Variants in ZNF385B observed in about 807,000 individuals in gnomAD.
ZNF385B encodes the protein zinc finger protein 533.
ZNF385B carries 23 observed loss-of-function variants against 39.2 expected under a neutral mutation model. That is an observed-to-expected ratio of 0.59 (90% confidence interval 0.42 to 0.83). ZNF385B has a LOEUF of 0.83. ZNF385B is among the 40% of genes least tolerant of loss of function. The probability of loss-of-function intolerance (pLI) is 0.00; values close to 1 mark genes in which losing one functional copy is unlikely to be tolerated. For synonymous variants in ZNF385B, 205 were observed against 222.6 expected, an observed-to-expected ratio of 0.92 and a Z score of 0.70; for missense variants, 552 against 598.9, an observed-to-expected ratio of 0.92 and a Z score of 0.82.
At chr2:179,829,707 G>T (rs939653602) in intron 1 of ZNF385B, among the ~76,000 whole-genome samples, 5 of 152,142 alleles carry the variant, frequency 3.3e-5, no homozygotes, top group Non-Finnish European at 7.3e-5. Context: ...TAGAGACGGG[G>T]TTTCACCGTG....
intron 1 of ZNF385B, among the ~76,000 whole-genome samples, chr2:179,797,370 A>T (rs887652001): frequency 6.6e-6 from 1 of 152,200 alleles, no homozygotes; most frequent in African/African-American, 2.4e-5. Context: ...AAAAGATGTA[A>T]ATTAAAAAAT....
chr2:179,493,649 G>T (rs533450348), intron 5 of ZNF385B, among the ~76,000 whole-genome samples: 1 of 105,112 alleles, frequency 9.5e-6, no homozygotes, highest in African/African-American at 3.5e-5. Context: ...ACACATATGC[G>T]TATACATATA....
At chr2:179,566,342 G>A (rs893405681) in intron 3 of ZNF385B, among the ~76,000 whole-genome samples, 5 of 152,238 alleles carry the variant, frequency 3.3e-5, no homozygotes, top group African/African-American at 1.2e-4. Context: ...CAGGACAGCT[G>A]TGTAAGATAC....
chr2:179,656,861 T>G (rs1490631962), intron 3 of ZNF385B, among the ~76,000 whole-genome samples: 3 of 152,216 alleles, frequency 2.0e-5, no homozygotes, highest in Non-Finnish European at 4.4e-5. Context: ...TATGTATGAT[T>G]TAGATATTAT....
chr2:179,521,774 T>C (rs1353303754), intron 4 of ZNF385B, among the ~76,000 whole-genome samples: 1 of 152,186 alleles, frequency 6.6e-6, no homozygotes, highest in Non-Finnish European at 1.5e-5. Context: ...GCACAGCCCT[T>C]TTACACTTTC....
chr2:179,815,073 A>C (rs576209731), intron 1 of ZNF385B, among the ~76,000 whole-genome samples: 1 of 152,344 alleles, frequency 6.6e-6, no homozygotes, highest in East Asian at 1.9e-4. Flanking sequence ...GGGAATACAA[A>C]TTGGGGAAAG....
intron 3 of ZNF385B, among the ~76,000 whole-genome samples, chr2:179,691,991 A>G (rs1212683751): frequency 1.3e-5 from 2 of 152,156 alleles, no homozygotes; most frequent in Non-Finnish European, 2.9e-5. Context: ...AGCATTTATT[A>G]TATCTTTGTG....
chr2:179,854,903 C>T lies in ZNF385B; in HGVS notation c.-155+6198G>A, dbSNP rs974809040. Reference sequence around the variant, plus strand: ...GTGAAGATTTAACTGCAAATATTGTCCTTGATCCTAAAGTAAATACAGAAA... The same window carrying T: ...GTGAAGATTTAACTGCAAATATTGTTCTTGATCCTAAAGTAAATACAGAAA... On this transcript the variant is annotated intron_variant, in intron 1 of 9. Coordinates refer to ENST00000410066, the MANE Select transcript of ZNF385B (RefSeq NM_152520.6). Among the ~76,000 whole-genome samples the T allele has an allele frequency of 5.9e-5, 9 of 152,118 alleles. 1 individual carries two copies. Among genetic ancestry groups the T allele is most frequent in the Admixed American group, 5.2e-4 (8 of 15,274 alleles).
chr2:179,535,671 T>C (rs573951262), intron 4 of ZNF385B, among the ~76,000 whole-genome samples: 2 of 152,362 alleles, frequency 1.3e-5, no homozygotes, highest in South Asian at 2.1e-4. Flanking sequence ...ATTTATATGA[T>C]TTGTGTCTTT....
At chr2:179,841,213 T>C (rs1199076927) in intron 1 of ZNF385B, among the ~76,000 whole-genome samples, 1 of 152,240 alleles carries the variant, frequency 6.6e-6, no homozygotes, top group African/African-American at 2.4e-5. Flanking sequence ...TCATGGGCCA[T>C]ATATTTGAAA....
At chr2:179,488,970 A>G (rs1302427568) in intron 5 of ZNF385B, among the ~76,000 whole-genome samples, 1 of 152,210 alleles carries the variant, frequency 6.6e-6, no homozygotes, top group Non-Finnish European at 1.5e-5. Flanking sequence ...GGAAGAAAAG[A>G]CAAGCATACA....
At chr2:179,784,517 T>C (rs941511023) in intron 1 of ZNF385B, among the ~76,000 whole-genome samples, 1 of 151,932 alleles carries the variant, frequency 6.6e-6, no homozygotes, top group Non-Finnish European at 1.5e-5. Flanking sequence ...GAATACACCA[T>C]TCAGATATTT....
At chr2:179,830,620 C>T (rs533364085) in intron 1 of ZNF385B, among the ~76,000 whole-genome samples, 6 of 152,250 alleles carry the variant, frequency 3.9e-5, no homozygotes, top group Admixed American at 1.3e-4. Flanking sequence ...TCTGAGAAGG[C>T]TATGCACTCT....
At chr2:179,617,602 C>A (rs1689858781) in intron 3 of ZNF385B, among the ~76,000 whole-genome samples, 1 of 152,168 alleles carries the variant, frequency 6.6e-6, no homozygotes, top group Non-Finnish European at 1.5e-5. Context: ...GGTTCCACTT[C>A]AGAGTTTATG....
At chr2:179,735,130 C>T (rs1701658838) in intron 3 of ZNF385B, among the ~76,000 whole-genome samples, 1 of 152,110 alleles carries the variant, frequency 6.6e-6, no homozygotes, top group Non-Finnish European at 1.5e-5. Context: ...GCAACCCACT[C>T]ATCTGACAAA....
At chr2:179,690,612 T>C (rs1278238971) in intron 3 of ZNF385B, among the ~76,000 whole-genome samples, 1 of 152,204 alleles carries the variant, frequency 6.6e-6, no homozygotes, top group Non-Finnish European at 1.5e-5. Flanking sequence ...GACTGTATTA[T>C]TCTAAGAATT....
At chr2:179,581,748 G>C (rs1686545350) in intron 3 of ZNF385B, among the ~76,000 whole-genome samples, 1 of 152,180 alleles carries the variant, frequency 6.6e-6, no homozygotes, top group African/African-American at 2.4e-5. Context: ...CACATGACTG[G>C]GTTCTGGCCA....
chr2:179,797,137 C>A lies in ZNF385B; in HGVS notation c.-154-26465G>T, dbSNP rs73973746. ...GAAACAATTACTTTTCTCCATAATA[C>A]AACCTCTGAGGTCCATCTTAAGTAC... On this transcript the variant is annotated intron_variant, in intron 1 of 9. Coordinates refer to ENST00000410066, the MANE Select transcript of ZNF385B (RefSeq NM_152520.6). Among the ~76,000 whole-genome samples, 905 of 152,168 alleles carry A rather than the reference C, an allele frequency of 5.9e-3. 20 individuals carry two copies. Among genetic ancestry groups the A allele is most frequent in the African/African-American group, 0.021 (861 of 41,516 alleles).
At chr2:179,508,143 T>C (rs539157816) in intron 5 of ZNF385B, among the ~76,000 whole-genome samples, 1 of 152,314 alleles carries the variant, frequency 6.6e-6, no homozygotes, top group South Asian at 2.1e-4. Context: ...GTAAAAACTA[T>C]AGCCAAATGC....
Sources: gnomAD v4.1 joint callset for allele counts (sites outside exome capture counted in the v4.1 genomes callset) on GRCh38, gnomAD v4.1.1 for gene constraint, MANE v1.5 for transcripts, NCBI Gene and HGNC (gene_info 2026-07-23, HGNC 2026-07-21) for gene names.